FOXN3: variants seen among roughly 807,000 people sequenced by gnomAD.
FOXN3 encodes forkhead box protein N3.
FOXN3 carries 7 observed loss-of-function variants against 38.4 expected under a neutral mutation model. That is an observed-to-expected ratio of 0.18 (90% CI 0.10 to 0.34). The LOEUF (loss-of-function observed/expected upper bound fraction) is 0.34. Among genes scored for constraint, FOXN3 ranks in the 10% least tolerant of loss-of-function variants. FOXN3 has a pLI of 1.00. For missense variants in FOXN3, 456 were observed against 613.4 expected, an observed-to-expected ratio of 0.74 and a Z score of 2.71; for synonymous variants, 230 against 242.2, an observed-to-expected ratio of 0.95 and a Z score of 0.47.
intron 1 of FOXN3, among the ~76,000 whole-genome samples, chr14:89,490,486 TCCACACA>T (rs1893550128): frequency 6.6e-6 from 1 of 152,188 alleles, no homozygotes. Flanking sequence ...CTAAGCTAGG[TCCACACA>T]CCTGGGGCGC....
intron 3 of FOXN3, among the ~76,000 whole-genome samples, chr14:89,348,858 C>G (rs1346807183): frequency 6.6e-6 from 1 of 152,158 alleles, no homozygotes; most frequent in Non-Finnish European, 1.5e-5. Context: ...CTGTTCCAAC[C>G]CCCAGAGCTC....
In FOXN3 at chr14:89,156,803, C is replaced by T. The variant is rs1886991502; in HGVS notation, c.*5611G>A. On this transcript the variant is annotated 3_prime_UTR_variant, in exon 6 of 6. Coordinates refer to ENST00000557258, the MANE Select transcript of FOXN3 (RefSeq NM_005197.4). The stretch of plus-strand genomic sequence containing the variant: ...TGAGTGTGAATGACACAGCATGAAA[C>T]TGGTTACTGAATCAGCTATGAGCTC... 1 of 152,104 alleles carries T rather than the reference C, an allele frequency of 6.6e-6. No homozygotes were observed. The highest frequency in any genetic ancestry group is 2.1e-4 in the South Asian group (1 of 4,828). The allele number at this position is 152,104 out of a possible 1,614,324, so 9.4% of individuals were successfully genotyped here. A position where few individuals can be genotyped will look rare whatever the true frequency, so the allele number is the denominator to read the frequency against.
chr14:89,256,186 G>C (rs1885614105), intron 4 of FOXN3, among the ~76,000 whole-genome samples: 1 of 152,170 alleles, frequency 6.6e-6, no homozygotes, highest in African/African-American at 2.4e-5. Context: ...TCATTTTCAA[G>C]GGGAAAATCG....
At chr14:89,463,626 A>G (rs1294956201) in intron 1 of FOXN3, among the ~76,000 whole-genome samples, 1 of 152,020 alleles carries the variant, frequency 6.6e-6, no homozygotes, top group African/African-American at 2.4e-5. Context: ...CATTCCACAA[A>G]AGCATCTGGC....
chr14:89,202,666 A>G (rs1291383731), intron 4 of FOXN3, among the ~76,000 whole-genome samples: 1 of 152,066 alleles, frequency 6.6e-6, no homozygotes, highest in African/African-American at 2.4e-5. Flanking sequence ...TGTTCCCGTG[A>G]GAGCTGGTTG....
At chr14:89,304,683 G>A (rs1192196633) in intron 3 of FOXN3, among the ~76,000 whole-genome samples, 3 of 152,084 alleles carry the variant, frequency 2.0e-5, no homozygotes, top group Admixed American at 1.3e-4. Flanking sequence ...ATAAAGCAGA[G>A]TATGGGCTTG....
intron 1 of FOXN3, among the ~76,000 whole-genome samples, chr14:89,540,557 A>C (rs1894772849): frequency 6.6e-6 from 1 of 152,054 alleles, no homozygotes; most frequent in African/African-American, 2.4e-5. Context: ...ACATAGTGAA[A>C]CGTCGTCTCT....
At chr14:89,466,717 G>A (rs543219819) in intron 1 of FOXN3, among the ~76,000 whole-genome samples, 48 of 152,254 alleles carry the variant, frequency 3.2e-4, no homozygotes, top group African/African-American at 1.1e-3. Flanking sequence ...CCTCTAGCAC[G>A]GCACAGAGAA....
At chr14:89,458,729 C>T (rs76668293) in intron 1 of FOXN3, among the ~76,000 whole-genome samples, 14,945 of 152,024 alleles carry the variant, frequency 0.098, 1,047 homozygotes, top group African/African-American at 0.19. Context: ...GGTGTGGAGC[C>T]CTCTCTGCTG....
At chr14:89,221,083 C>G (rs534882226) in intron 4 of FOXN3, among the ~76,000 whole-genome samples, 1 of 152,154 alleles carries the variant, frequency 6.6e-6, no homozygotes, top group African/African-American at 2.4e-5. Flanking sequence ...ACAAAACTCT[C>G]AAACGAAGGC....
chr14:89,203,513 C>T (rs1055123692), intron 4 of FOXN3, among the ~76,000 whole-genome samples: 4 of 152,218 alleles, frequency 2.6e-5, no homozygotes, highest in African/African-American at 9.6e-5. Context: ...GTGCCTGGAG[C>T]ATGTCCCTCC....
intron 2 of FOXN3, among the ~76,000 whole-genome samples, chr14:89,392,953 C>A (rs757494179): frequency 6.6e-6 from 1 of 151,922 alleles, no homozygotes. Flanking sequence ...ACTACAGGCA[C>A]GTACCACCAC....
intron 3 of FOXN3, among the ~76,000 whole-genome samples, chr14:89,333,966 GTATATATATATATATATA>G (rs71130055): frequency 0.53 from 69,532 of 131,566 alleles, 18,796 homozygotes; most frequent in Admixed American, 0.62. Flanking sequence ...AATGTGGTGT[GTATATATATATATATATA>G]TATATATATA....
intron 3 of FOXN3, among the ~76,000 whole-genome samples, chr14:89,329,121 G>A (rs1566957873): frequency 1.3e-5 from 2 of 152,192 alleles, no homozygotes. Flanking sequence ...TTCTTCGGCA[G>A]CTGGACCACA....
intron 1 of FOXN3, among the ~76,000 whole-genome samples, chr14:89,483,001 AG>A (rs1162860820): frequency 6.6e-6 from 1 of 152,080 alleles, no homozygotes; most frequent in Non-Finnish European, 1.5e-5. Flanking sequence ...TGAGGCCAGG[AG>A]TTCAAGACCA....
At chr14:89,367,712 G>C (rs1596231873) in intron 2 of FOXN3, among the ~76,000 whole-genome samples, 1 of 152,274 alleles carries the variant, frequency 6.6e-6, no homozygotes, top group Admixed American at 6.5e-5. Context: ...AATCTACCCA[G>C]AAAGACCAAC....
At chr14:89,494,395 T>C (rs1893638542) in intron 1 of FOXN3, among the ~76,000 whole-genome samples, 1 of 152,234 alleles carries the variant, frequency 6.6e-6, no homozygotes. Context: ...TAAATACATA[T>C]GGTACACCTG....
intron 4 of FOXN3, among the ~76,000 whole-genome samples, chr14:89,249,124 C>T (rs1221751155): frequency 1.3e-5 from 2 of 152,152 alleles, no homozygotes; most frequent in African/African-American, 4.8e-5. Context: ...GGGGCTCATT[C>T]AAATCAAGTC....
chr14:89,551,607 A>G (rs1486018841), intron 1 of FOXN3, among the ~76,000 whole-genome samples: 1 of 152,136 alleles, frequency 6.6e-6, no homozygotes, highest in Non-Finnish European at 1.5e-5. Context: ...TGCCCCACAC[A>G]GTCCTCTAGG....
Sources: allele counts gnomAD v4.1 joint callset (sites outside exome capture counted in the v4.1 genomes callset), GRCh38; gene constraint gnomAD v4.1.1; transcripts MANE v1.5; gene names NCBI Gene and HGNC (gene_info 2026-07-23, HGNC 2026-07-21).